Variants in MPHOSPH8 observed in about 807,000 individuals in gnomAD.
MPHOSPH8 encodes the protein M-phase phosphoprotein, mpp.
A neutral mutation model predicts 87.3 loss-of-function variants in MPHOSPH8; 45 were observed. That is an observed-to-expected ratio of 0.52 (90% confidence interval 0.41 to 0.66). The LOEUF (loss-of-function observed/expected upper bound fraction) is 0.66, where lower values mean the gene tolerates loss of function less well. Ranked by LOEUF, MPHOSPH8 falls within the 30% of genes least tolerant of loss-of-function variation. MPHOSPH8 has a pLI of 0.00. For synonymous variants in MPHOSPH8, 366 were observed against 376.9 expected (o/e 0.97, Z 0.33); for missense variants, 883 against 1,020.2 (o/e 0.87, Z 1.83).
intron 2 of MPHOSPH8, among the ~76,000 whole-genome samples, chr13:19,644,667 G>A (rs572916482): frequency 6.6e-6 from 1 of 152,344 alleles, no homozygotes; most frequent in African/African-American, 2.4e-5. Flanking sequence ...GAAGGCTCTT[G>A]AGAACAATAT....
intron 10 of MPHOSPH8, among the ~76,000 whole-genome samples, chr13:19,667,137 G>A (rs1249224889): frequency 6.6e-6 from 1 of 152,136 alleles, no homozygotes; most frequent in Non-Finnish European, 1.5e-5. Context: ...ACTCCAGCCT[G>A]GGCGACAGAG....
chr13:19,637,368 C>T (rs1010297733), intron 1 of MPHOSPH8, among the ~76,000 whole-genome samples: 6 of 152,266 alleles, frequency 3.9e-5, no homozygotes, highest in African/African-American at 1.4e-4. Context: ...CTCTCATATA[C>T]CTTCACCCAG....
At chr13:19,635,236 C>T (rs1397258637) in intron 1 of MPHOSPH8, among the ~76,000 whole-genome samples, 1 of 152,156 alleles carries the variant, frequency 6.6e-6, no homozygotes, top group African/African-American at 2.4e-5. Context: ...AAATATTCGG[C>T]TAGGGCCGGG....
At chr13:19,669,761 C>G (rs1348934228) in intron 11 of MPHOSPH8, among the ~76,000 whole-genome samples, 1 of 152,036 alleles carries the variant, frequency 6.6e-6, no homozygotes, top group East Asian at 1.9e-4. Flanking sequence ...CTGCCTGCCT[C>G]TGCCTCCCAA....
In MPHOSPH8 at chr13:19,646,884, G is replaced by C. The variant is rs556319750; in HGVS notation, c.811G>C (p.Asp271His). The C allele has an allele frequency of 6.2e-7, 1 of 1,604,178 alleles. No homozygotes were observed. The highest frequency in any genetic ancestry group is 1.1e-5 in the South Asian group (1 of 88,246). The change falls in exon 3 of 14, where the codon GAT (aspartate) becomes CAT (histidine). Residue 271 changes from aspartate (D) to histidine (H), a missense_variant. Physicochemically the swap from Asp to His is moderately conservative, Grantham distance 81. Coordinates refer to ENST00000361479, the MANE Select transcript of MPHOSPH8 (RefSeq NM_017520.4). ...QVESESSVLN[D>H]SPFPEDDSEG... ...GGAATCTGAATCAAGTGTACTTAAT[G>C]ATTCTCCCTTTCCAGAGGATGACAG... is the stretch of plus-strand genomic sequence containing the variant.
rs374241530 is a variant in MPHOSPH8 at position 19,671,913 on chromosome 13, G to T, written c.*38G>T. The T allele has an allele frequency of 2.5e-6, 4 of 1,599,440 alleles. No individual in the cohort carries two copies. In the African/African-American group the frequency reaches 5.4e-5, roughly 21 times the overall value. ...GACTGGGCGGAGTTCTCTTCAGACCGATTCCTATACTCTCTTTGACAGCAG... is the reference window on the plus strand; with the variant it reads ...GACTGGGCGGAGTTCTCTTCAGACCTATTCCTATACTCTCTTTGACAGCAG... On this transcript the variant is annotated 3_prime_UTR_variant, in exon 14 of 14. Coordinates refer to ENST00000361479, the MANE Select transcript of MPHOSPH8 (RefSeq NM_017520.4).
At chr13:19,662,584 T>C (rs1352108564) in intron 8 of MPHOSPH8, among the ~76,000 whole-genome samples, 2 of 152,224 alleles carry the variant, frequency 1.3e-5, no homozygotes, top group Admixed American at 1.3e-4. Context: ...TGACATGTAA[T>C]GAATGGATTT....
intron 2 of MPHOSPH8, among the ~76,000 whole-genome samples, chr13:19,644,653 G>A (rs1163590184): frequency 6.6e-6 from 1 of 152,232 alleles, no homozygotes; most frequent in Non-Finnish European, 1.5e-5. Context: ...CACCTCTGTG[G>A]TAGGAAGGCT....
chr13:19,663,875 TGTCCCCA>T (rs1875683310), intron 9 of MPHOSPH8, among the ~76,000 whole-genome samples: 1 of 152,188 alleles, frequency 6.6e-6, no homozygotes, highest in Admixed American at 6.5e-5. Flanking sequence ...TTCCAGCCGC[TGTCCCCA>T]GTAAGCAAAA....
At chr13:19,650,383 TCTC>T in intron 5 of MPHOSPH8, 123 bp downstream of exon 5, 1 of 1,121,664 alleles carries the variant, frequency 8.9e-7, no homozygotes. Flanking sequence ...TTTATTTGGA[TCTC>T]CTGAATAAAT....
chr13:19,670,209 T>TCACACTG, intron 11 of MPHOSPH8, 27 bp from the exon 12 acceptor site: 1 of 1,613,690 alleles, frequency 6.2e-7, no homozygotes, highest in Non-Finnish European at 8.5e-7. Context: ...GCCTTTGAAG[T>TCACACTG]AATTCACACA....
chr13:19,645,061 T>A (rs186512415), intron 2 of MPHOSPH8, among the ~76,000 whole-genome samples: 1 of 152,322 alleles, frequency 6.6e-6, no homozygotes, highest in East Asian at 1.9e-4. Context: ...CTTGTGGGGC[T>A]TGGTCCTGGA....
chr13:19,639,311 CT>C (rs573374622), intron 1 of MPHOSPH8, among the ~76,000 whole-genome samples: 133 of 143,750 alleles, frequency 9.3e-4, no homozygotes, highest in African/African-American at 1.2e-3. Context: ...TCTGGAATGT[CT>C]TTTTTTTTTT....
Position 19,661,733 on chromosome 13 carries a change from C to A in MPHOSPH8, c.1827C>A (p.Ala609=). Residue 609 remains alanine, a synonymous_variant, in exon 8 of 14, where the codon GCC becomes GCA. Coordinates refer to ENST00000361479, the MANE Select transcript of MPHOSPH8 (RefSeq NM_017520.4). ...GAATGACACTGGTGATGCTTGCCGC[C>A]GCCGGAGGGCAGGACGACCTCCTGC... The part of the protein sequence containing the change: ...SSGMTLVMLA[A]AGGQDDLLRL... 1.2e-6 allele frequency: 2 copies of A among 1,610,454 alleles called. No individual in the cohort carries two copies. The highest frequency in any genetic ancestry group is 1.7e-6 in the Non-Finnish European group (2 of 1,177,636).
chr13:19,656,699 G>A (rs1438453802), intron 5 of MPHOSPH8, among the ~76,000 whole-genome samples: 1 of 152,108 alleles, frequency 6.6e-6, no homozygotes, highest in Non-Finnish European at 1.5e-5. Flanking sequence ...GGCGGAGGTT[G>A]CAGTGAGCTG....
In MPHOSPH8 at chr13:19,651,942, A is replaced by C. The variant is rs563921790; in HGVS notation, c.1576+1682A>C. ...CTGAAACCCTGTCTCTACTAAAAATACAAAAAAAAATTCGCTGGGCATGGT... is the reference window on the plus strand; with the variant it reads ...CTGAAACCCTGTCTCTACTAAAAATCCAAAAAAAAATTCGCTGGGCATGGT... On this transcript the variant is annotated intron_variant, in intron 5 of 13. Transcript: ENST00000361479. Among the ~76,000 whole-genome samples the C allele has an allele frequency of 1.9e-3, 286 of 147,746 alleles. 2 individuals carry two copies. The highest frequency in any genetic ancestry group is 2.5e-3 in the Non-Finnish European group (165 of 66,972).
chr13:19,638,397 G>C (rs1019848250), intron 1 of MPHOSPH8, among the ~76,000 whole-genome samples: 1 of 151,920 alleles, frequency 6.6e-6, no homozygotes, highest in African/African-American at 2.4e-5. Context: ...GACGGATCAC[G>C]AGGTCAGGAG....
intron 5 of MPHOSPH8, among the ~76,000 whole-genome samples, chr13:19,655,677 A>C (rs553760129): frequency 6.6e-6 from 1 of 152,214 alleles, no homozygotes; most frequent in East Asian, 1.9e-4. Context: ...AGCCACCATG[A>C]CTGGCCAGAA....
At chr13:19,668,043 C>T (rs1875911448) in intron 10 of MPHOSPH8, among the ~76,000 whole-genome samples, 1 of 152,312 alleles carries the variant, frequency 6.6e-6, no homozygotes, top group South Asian at 2.1e-4. Context: ...TTGCCCAGTA[C>T]TGAGGGGTTC....
Sources: allele counts gnomAD v4.1 joint callset (sites outside exome capture counted in the v4.1 genomes callset), GRCh38; gene constraint gnomAD v4.1.1; transcripts MANE v1.5; gene names NCBI Gene and HGNC (gene_info 2026-07-23, HGNC 2026-07-21).